Variants in CAMTA1 observed in about 807,000 individuals in gnomAD.
CAMTA1 encodes calmodulin-binding transcription activator 1.
Under a neutral mutation model 170.9 loss-of-function variants are expected in CAMTA1, and 27 were observed. The observed-to-expected ratio is 0.16, with a 90% CI of 0.12 to 0.22. The LOEUF (loss-of-function observed/expected upper bound fraction) is 0.22. Among genes scored for constraint, CAMTA1 ranks in the 10% least tolerant of loss-of-function variants. CAMTA1 has a pLI of 1.00. For missense variants in CAMTA1, 1,619 were observed against 2,217.2 expected, an observed-to-expected ratio of 0.73 and a Z score of 5.42; for synonymous variants, 833 against 891.5, an observed-to-expected ratio of 0.93 and a Z score of 1.17.
intron 9 of CAMTA1, among the ~76,000 whole-genome samples, chr1:7,669,156 T>C (rs2096031376): frequency 6.6e-6 from 1 of 152,140 alleles, no homozygotes; most frequent in African/African-American, 2.4e-5. Context: ...GGAGCAGGCC[T>C]CCTGCTTTTG....
In CAMTA1 at chr1:7,584,075, G is replaced by T. The variant is rs948640776; in HGVS notation, c.511-56325G>T. ...CCCTTAGGGTGGGGACTCTGCTAGAGGAATCATATAACACTTTCTTTCTTT... is the reference window on the plus strand; with the variant it reads ...CCCTTAGGGTGGGGACTCTGCTAGATGAATCATATAACACTTTCTTTCTTT... On this transcript the variant is annotated intron_variant, in intron 6 of 22. Coordinates refer to ENST00000303635, the MANE Select transcript of CAMTA1 (RefSeq NM_015215.4). 2.0e-5 allele frequency among the ~76,000 whole-genome samples: 3 copies of T among 152,082 alleles called. No individual in the cohort carries two copies. The South Asian group carries it at 6.2e-4, about 31-fold the overall frequency.
chr1:7,410,666 G>A (rs1241630512), intron 5 of CAMTA1, among the ~76,000 whole-genome samples: 4 of 152,240 alleles, frequency 2.6e-5, no homozygotes, highest in Non-Finnish European at 5.9e-5. Flanking sequence ...TGAAGAACTC[G>A]TGACCTGAGA....
intron 1 of CAMTA1, among the ~76,000 whole-genome samples, chr1:6,808,178 G>C (rs1388093866): frequency 1.3e-5 from 2 of 151,974 alleles, no homozygotes; most frequent in African/African-American, 4.8e-5. Flanking sequence ...CTGAAAGTCA[G>C]ACCGAAGAAT....
intron 5 of CAMTA1, among the ~76,000 whole-genome samples, chr1:7,376,588 A>C (rs1433266080): frequency 6.6e-6 from 1 of 152,152 alleles, no homozygotes; most frequent in Non-Finnish European, 1.5e-5. Flanking sequence ...GCTGGGCTTC[A>C]TTGTCCTCCC....
intron 5 of CAMTA1, among the ~76,000 whole-genome samples, chr1:7,398,183 CTCTCTCTCTCTATATA>C (rs1259439931): frequency 2.7e-4 from 12 of 45,230 alleles, no homozygotes; most frequent in African/African-American, 7.9e-4. Flanking sequence ...CTCTCTCTCT[CTCTCTCTCTCTATATA>C]TATATATATA....
In CAMTA1 at chr1:7,721,905, C is replaced by T. The variant is rs554894871; in HGVS notation, c.2915-10543C>T. ...TTGGGATTACAAGTGTGAGCCACCA[C>T]GCCCAGACAGAGGAGGGACTTAATT... On this transcript the variant is annotated intron_variant, in intron 11 of 22. Coordinates refer to ENST00000303635, the MANE Select transcript of CAMTA1 (RefSeq NM_015215.4). Among the ~76,000 whole-genome samples the T allele has an allele frequency of 1.6e-4, 24 of 152,198 alleles. 1 individual carries two copies. Among genetic ancestry groups the T allele is most frequent in the South Asian group, 8.3e-4 (4 of 4,820 alleles).
chr1:6,785,474 G>A lies in CAMTA1; in HGVS notation c.-57G>A. ...GCGGCGGCGGCGGGGTGGCTGGGCC[G>A]GCGGCGGCGGCGGTACGAGGCGCGC... On this transcript the variant is annotated 5_prime_UTR_variant, in exon 1 of 23. Coordinates refer to ENST00000303635, the MANE Select transcript of CAMTA1 (RefSeq NM_015215.4). The A allele has an allele frequency of 3.2e-6, 3 of 950,288 alleles. No individual in the cohort carries two copies. Among genetic ancestry groups the A allele is most frequent in the Admixed American group, 6.2e-5 (1 of 16,126 alleles). The allele number at this position is 950,288 out of a possible 1,614,324, so 58.9% of individuals were successfully genotyped here. A position where few individuals can be genotyped will look rare whatever the true frequency, so the allele number is the denominator to read the frequency against.
At chr1:7,011,270 T>C (rs1001316097) in intron 3 of CAMTA1, among the ~76,000 whole-genome samples, 2 of 152,186 alleles carry the variant, frequency 1.3e-5, no homozygotes, top group Non-Finnish European at 2.9e-5. Flanking sequence ...AATGCTGTGA[T>C]CTCGGCTCAC....
At chr1:6,947,152 T>A (rs1385236383) in intron 3 of CAMTA1, among the ~76,000 whole-genome samples, 1 of 152,228 alleles carries the variant, frequency 6.6e-6, no homozygotes, top group Non-Finnish European at 1.5e-5. Context: ...GAACTCTCTA[T>A]CTCTGTGCAG....
At chr1:7,542,879 G>GTT (rs1553196781) in intron 6 of CAMTA1, among the ~76,000 whole-genome samples, 2,371 of 138,242 alleles carry the variant, frequency 0.017, 74 homozygotes, top group African/African-American at 0.055. Context: ...GTGTGTGTGT[G>GTT]TTTGAGCCGG....
intron 3 of CAMTA1, among the ~76,000 whole-genome samples, chr1:6,941,803 C>T (rs1166405723): frequency 6.6e-6 from 1 of 152,242 alleles, no homozygotes; most frequent in Non-Finnish European, 1.5e-5. Flanking sequence ...GCTCCTGTGC[C>T]CAGCCAGCAG....
At chr1:7,489,515 C>A (rs2149685130) in intron 6 of CAMTA1, among the ~76,000 whole-genome samples, 1 of 152,288 alleles carries the variant, frequency 6.6e-6, no homozygotes, top group African/African-American at 2.4e-5. Flanking sequence ...CTTAGGCATC[C>A]ATGCGTGTTA....
At chr1:6,977,968 T>C (rs1009089995) in intron 3 of CAMTA1, among the ~76,000 whole-genome samples, 5 of 152,190 alleles carry the variant, frequency 3.3e-5, no homozygotes, top group Non-Finnish European at 7.3e-5. Context: ...AAAGACAGTC[T>C]TCACATGTTC....
chr1:7,640,146 C>T (rs1330813330), intron 6 of CAMTA1, among the ~76,000 whole-genome samples: 1 of 152,112 alleles, frequency 6.6e-6, no homozygotes. Context: ...GAAGACTTCT[C>T]CAGGGGTCAC....
At chr1:7,536,572 G>T (rs902607820) in intron 6 of CAMTA1, among the ~76,000 whole-genome samples, 1 of 152,152 alleles carries the variant, frequency 6.6e-6, no homozygotes, top group East Asian at 1.9e-4. Flanking sequence ...CTAGCCCAGG[G>T]TTCCCTATTC....
chr1:7,442,389 C>A (rs951572233), intron 5 of CAMTA1, among the ~76,000 whole-genome samples: 5 of 152,242 alleles, frequency 3.3e-5, no homozygotes, highest in South Asian at 4.1e-4. Flanking sequence ...TCCCTAAAGA[C>A]AAAATTATTC....
chr1:7,116,598 A>C (rs1251930510), intron 4 of CAMTA1, among the ~76,000 whole-genome samples: 1 of 151,906 alleles, frequency 6.6e-6, no homozygotes, highest in Non-Finnish European at 1.5e-5. Flanking sequence ...AGCATTCCTT[A>C]AGCAACTCAC....
At chr1:7,185,597 T>C (rs567395336) in intron 4 of CAMTA1, among the ~76,000 whole-genome samples, 93 of 152,334 alleles carry the variant, frequency 6.1e-4, no homozygotes, top group African/African-American at 2.1e-3. Context: ...AAGGGGGAAT[T>C]ACAATTTTAC....
At chr1:6,946,085 C>T (rs532389935) in intron 3 of CAMTA1, among the ~76,000 whole-genome samples, 30 of 152,264 alleles carry the variant, frequency 2.0e-4, no homozygotes, top group African/African-American at 7.2e-4. Context: ...AACTGCCAGC[C>T]TGTTTTCCAA....
Sources: gnomAD v4.1 joint callset for allele counts (sites outside exome capture counted in the v4.1 genomes callset) on GRCh38, gnomAD v4.1.1 for gene constraint, MANE v1.5 for transcripts, NCBI Gene and HGNC (gene_info 2026-07-23, HGNC 2026-07-21) for gene names.